RNGTT: variants seen among roughly 807,000 people sequenced by gnomAD.
RNGTT encodes the protein mRNA-capping enzyme.
RNGTT carries 33 observed loss-of-function variants against 79.3 expected under a neutral mutation model. That is an observed-to-expected ratio of 0.42 (90% CI 0.32 to 0.56). The LOEUF (loss-of-function observed/expected upper bound fraction) is 0.56, where lower values mean the gene tolerates loss of function less well. RNGTT is among the 20% of genes least tolerant of loss of function. RNGTT has a pLI of 0.17. For synonymous variants in RNGTT, 222 were observed against 235.9 expected (o/e 0.94, Z 0.54); for missense variants, 497 against 739.1 (o/e 0.67, Z 3.80).
At chr6:88,650,350 A>G (rs1234801471) in intron 14 of RNGTT, among the ~76,000 whole-genome samples, 1 of 152,106 alleles carries the variant, frequency 6.6e-6, no homozygotes, top group Non-Finnish European at 1.5e-5. Context: ...CACCCAATTA[A>G]CCATGTGCTA....
At chr6:88,678,246 G>C (rs764645311) in intron 14 of RNGTT, 107 bp downstream of exon 14, 1 of 1,463,850 alleles carries the variant, frequency 6.8e-7, no homozygotes, top group Non-Finnish European at 9.1e-7. Flanking sequence ...GCCTCCCAAA[G>C]TGCTGGAACA....
At chr6:88,923,910 C>T (rs1183948138) in intron 4 of RNGTT, among the ~76,000 whole-genome samples, 1 of 152,214 alleles carries the variant, frequency 6.6e-6, no homozygotes, top group African/African-American at 2.4e-5. Flanking sequence ...TTCCAACAAA[C>T]AGGTCATTCT....
At chr6:88,683,235 A>G (rs1047838889) in intron 13 of RNGTT, among the ~76,000 whole-genome samples, 1 of 152,142 alleles carries the variant, frequency 6.6e-6, no homozygotes, top group African/African-American at 2.4e-5. Context: ...AATGAGGCTG[A>G]CAAAGAAAAC....
intron 13 of RNGTT, among the ~76,000 whole-genome samples, chr6:88,755,959 CAAAAAA>C (rs1157096180): frequency 3.3e-5 from 1 of 30,500 alleles, no homozygotes; most frequent in Non-Finnish European, 6.8e-5. Flanking sequence ...GACTCCGTCT[CAAAAAA>C]AAAAAAAAAA....
intron 11 of RNGTT, among the ~76,000 whole-genome samples, chr6:88,810,440 G>A (rs1233705007): frequency 1.3e-5 from 2 of 152,140 alleles, no homozygotes; most frequent in Non-Finnish European, 2.9e-5. Flanking sequence ...GAAATTGAGA[G>A]GCCAAGGTTG....
intron 14 of RNGTT, among the ~76,000 whole-genome samples, chr6:88,626,137 ATGG>A (rs1772624605): frequency 6.6e-6 from 1 of 152,036 alleles, no homozygotes; most frequent in Admixed American, 6.6e-5. Context: ...TAGACAGTAA[ATGG>A]TGAAGAAGCA....
chr6:88,736,366 G>C (rs78052238), intron 13 of RNGTT, among the ~76,000 whole-genome samples: 2 of 152,202 alleles, frequency 1.3e-5, no homozygotes, highest in East Asian at 3.9e-4. Context: ...ACATGATAAA[G>C]CAAAACTACA....
At chr6:88,922,828 A>C (rs1017013880) in intron 4 of RNGTT, among the ~76,000 whole-genome samples, 4 of 152,344 alleles carry the variant, frequency 2.6e-5, no homozygotes, top group Admixed American at 2.0e-4. Flanking sequence ...ACCAGGATCC[A>C]ACAATACCTA....
chr6:88,756,970 CA>C (rs1778038318), intron 13 of RNGTT, among the ~76,000 whole-genome samples: 1 of 152,114 alleles, frequency 6.6e-6, no homozygotes, highest in East Asian at 1.9e-4. Context: ...AATTTTATCA[CA>C]AAAAAACAAA....
chr6:88,909,010 T>C (rs555375671), intron 4 of RNGTT, among the ~76,000 whole-genome samples: 2 of 152,118 alleles, frequency 1.3e-5, no homozygotes, highest in Admixed American at 6.5e-5. Context: ...CCCAGGGGTA[T>C]TGAGTTAAGC....
Position 88,612,571 on chromosome 6 carries a change from C to T in RNGTT, c.*148G>A. 1.2e-6 allele frequency: 1 copy of T among 820,626 alleles called. No homozygotes were observed. The highest frequency in any genetic ancestry group is 2.0e-6 in the Non-Finnish European group (1 of 509,536). The allele number at this position is 820,626 out of a possible 1,614,324, so 50.8% of individuals were successfully genotyped here. ...AATGCATCAAGTATTTACAGGCTGG[C>T]TACGATAACTTTCTTTTTTTAAAAA... On this transcript the variant is annotated 3_prime_UTR_variant, in exon 16 of 16. Transcript: ENST00000369485.
rs114283358 is a variant in RNGTT at position 88,686,406 on chromosome 6, A to G, written c.1440-7987T>C. 7.7e-3 allele frequency among the ~76,000 whole-genome samples: 1,174 copies of G among 152,232 alleles called. 8 individuals carry two copies. The highest frequency in any genetic ancestry group is 0.026 in the African/African-American group (1,089 of 41,570). On this transcript the variant is annotated intron_variant, in intron 13 of 15. Coordinates refer to ENST00000369485, the MANE Select transcript of RNGTT (RefSeq NM_003800.5). ...TCTAAAAACTCCTGACAGAATTTGT[A>G]TGAGAAACTTTATAAGCTCATTCGA...
At chr6:88,816,039 T>TA (rs1167729255) in intron 11 of RNGTT, among the ~76,000 whole-genome samples, 1 of 152,190 alleles carries the variant, frequency 6.6e-6, no homozygotes, top group Non-Finnish European at 1.5e-5. Context: ...GATTTCTATC[T>TA]AGAATGTTGT....
intron 12 of RNGTT, among the ~76,000 whole-genome samples, chr6:88,801,313 C>A (rs1365511615): frequency 6.6e-6 from 1 of 152,058 alleles, no homozygotes; most frequent in Non-Finnish European, 1.5e-5. Context: ...AATGTAACGA[C>A]CAAAAATGCT....
In RNGTT at chr6:88,612,864, G is replaced by C; in HGVS notation, c.1649C>G (p.Ser550Ter). The C allele has an allele frequency of 6.2e-7, 1 of 1,613,782 alleles. No individual in the cohort carries two copies. The highest frequency in any genetic ancestry group is 8.5e-7 in the Non-Finnish European group (1 of 1,179,890). Residue 550 changes from serine to a stop codon, truncating the protein, a stop_gained, in exon 16 of 16, where the codon TCA becomes TGA. Transcript: ENST00000369485. LOFTEE classifies it high-confidence loss of function. ...NTAMAVCNSI[S>*]NPVTKEMLFE... ...CAGCATCTCCTTGGTGACAGGGTTT[G>C]AGATGCTGTTACACACAGCTGTGGA...
At chr6:88,882,345 TTTA>T (rs1385568634) in intron 8 of RNGTT, among the ~76,000 whole-genome samples, 3 of 152,160 alleles carry the variant, frequency 2.0e-5, no homozygotes, top group Admixed American at 2.0e-4. Context: ...CCACAAATAA[TTTA>T]TTATTAGTTA....
chr6:88,655,457 C>T (rs977825096), intron 14 of RNGTT, among the ~76,000 whole-genome samples: 11 of 152,126 alleles, frequency 7.2e-5, no homozygotes, highest in Admixed American at 2.0e-4. Flanking sequence ...ATCACTCTTA[C>T]GTTTCCTTGG....
chr6:88,856,417 T>TACACACACACAC lies in RNGTT; in HGVS notation c.897-2665_897-2654dup, dbSNP rs138693589. Among the ~76,000 whole-genome samples the TACACACACACAC allele has an allele frequency of 1.7e-3, 260 of 150,238 alleles. 1 individual carries two copies. The highest frequency in any genetic ancestry group is 6.1e-3 in the African/African-American group (252 of 41,134). ...TCCCAGGGTGAAGATGTATTTATTT[T>TACACACACACAC]ACACACACACACACACACACATCTT... On this transcript the variant is annotated intron_variant, in intron 8 of 15. Coordinates refer to ENST00000369485, the MANE Select transcript of RNGTT (RefSeq NM_003800.5).
At chr6:88,793,120 T>G (rs1326815383) in intron 12 of RNGTT, among the ~76,000 whole-genome samples, 1 of 152,182 alleles carries the variant, frequency 6.6e-6, no homozygotes, top group Non-Finnish European at 1.5e-5. Context: ...TGATGAAAGG[T>G]ACATATTAGT....
Sources: gnomAD v4.1 joint callset for allele counts (sites outside exome capture counted in the v4.1 genomes callset) on GRCh38, gnomAD v4.1.1 for gene constraint, MANE v1.5 for transcripts, NCBI Gene and HGNC (gene_info 2026-07-23, HGNC 2026-07-21) for gene names.